Variants in IL3RA observed in about 807,000 individuals in gnomAD.
The protein encoded by IL3RA is interleukin 3 receptor subunit alpha, also known as interleukin-3 receptor subunit alpha.
In IL3RA, 73 loss-of-function variants were observed where a neutral mutation model predicts 52.3. The ratio of observed to expected loss-of-function variants is 1.40; its 90% CI spans 1.16 to 1.70. The LOEUF is 1.70. Ranked by LOEUF, IL3RA falls within the 40% of genes most tolerant of loss-of-function variation. The pLI, the probability that IL3RA is intolerant of heterozygous loss-of-function variation, is 0.00. For missense variants in IL3RA, 664 were observed against 504.4 expected (o/e 1.32, Z -3.03); for synonymous variants, 260 against 194.0 (o/e 1.34, Z -2.83).
intron 9 of IL3RA, among the ~76,000 whole-genome samples, chrX:1,378,171 A>G (rs2088922056): frequency 1.4e-5 from 2 of 147,288 alleles, no homozygotes; most frequent in Admixed American, 6.8e-5. Flanking sequence ...CGACAAAACG[A>G]GACTCCATCT....
intron 4 of IL3RA, among the ~76,000 whole-genome samples, 159 bp downstream of exon 4, chrX:1,348,704 C>CTTTCTCTTTCTT (rs1203615275): frequency 1.3e-5 from 1 of 79,092 alleles, no homozygotes; most frequent in Non-Finnish European, 2.4e-5. Context: ...TTCTTTCTTT[C>CTTTCTCTTTCTT]TGTTTCTGTT....
intron 2 of IL3RA, among the ~76,000 whole-genome samples, chrX:1,344,959 G>A (rs1329161295): frequency 1.4e-5 from 2 of 147,770 alleles, no homozygotes; most frequent in African/African-American, 2.5e-5. Flanking sequence ...TCAGGAGATC[G>A]AGACCATCCT....
chrX:1,378,112 G>C (rs1603449225), intron 9 of IL3RA, among the ~76,000 whole-genome samples: 1 of 150,758 alleles, frequency 6.6e-6, no homozygotes, highest in Admixed American at 6.6e-5. Flanking sequence ...CTTGAACCTG[G>C]GAGGTGGAGG....
intron 2 of IL3RA, among the ~76,000 whole-genome samples, chrX:1,344,084 A>G (rs28781594): frequency 0.32 from 49,299 of 151,726 alleles, 9,633 homozygotes; most frequent in Non-Finnish European, 0.45. Flanking sequence ...GTGAGCCACC[A>G]CGCCCGTTTG....
At chrX:1,355,884 G>C (rs2086669185) in intron 6 of IL3RA, among the ~76,000 whole-genome samples, 1 of 151,984 alleles carries the variant, frequency 6.6e-6, no homozygotes, top group Non-Finnish European at 1.5e-5. Context: ...AGATGGAAGG[G>C]GCAGGGACAA....
rs2089217954 is a variant in IL3RA at position 1,382,277 on chromosome X, A to C, written c.1063-114A>C. The C allele has an allele frequency of 3.1e-6, 3 of 983,486 alleles. No homozygotes were observed. In the Admixed American group the frequency reaches 5.5e-5, roughly 18 times the overall value. The allele number at this position is 983,486 out of a possible 1,614,324, so 60.9% of individuals were successfully genotyped here. On this transcript the variant is annotated intron_variant, in intron 11 of 11. Transcript: ENST00000331035. Reference sequence around the variant, plus strand: ...AGTGCTGGGATGACAGGCGTGAGACACCATGCCTGGCCCACAGAGCAGATC... The same window carrying C: ...AGTGCTGGGATGACAGGCGTGAGACCCCATGCCTGGCCCACAGAGCAGATC...
chrX:1,349,185 A>AC (rs1268265878), intron 4 of IL3RA, among the ~76,000 whole-genome samples: 9 of 79,542 alleles, frequency 1.1e-4, no homozygotes, highest in Non-Finnish European at 1.8e-4. Context: ...TTTTTTAAAC[A>AC]CCTTTTTTTT....
At position 1,356,315 on chromosome X, in the gene IL3RA, C is replaced by A. The variant is rs1556627274; in HGVS notation, c.711C>A (p.Arg237=). The A allele has an allele frequency of 1.2e-6, 2 of 1,611,794 alleles. No individual in the cohort carries two copies. Among genetic ancestry groups the A allele is most frequent in the South Asian group, 2.2e-5 (2 of 91,042 alleles). The change falls in exon 7 of 12, where the codon CGC becomes CGA. Residue 237 remains arginine (R), a synonymous_variant. Transcript: ENST00000331035. ...GAAGTCATTTCAATCGCAAATTTCGCTATGAGCTTCAGATACAAAAGGTAA... is the reference window on the plus strand; with the variant it reads ...GAAGTCATTTCAATCGCAAATTTCGATATGAGCTTCAGATACAAAAGGTAA... ...KMRSHFNRKF[R]YELQIQKRMQ...
intron 8 of IL3RA, 80 bp downstream of exon 8, chrX:1,358,967 A>G: frequency 1.0e-6 from 1 of 978,302 alleles, no homozygotes; most frequent in Non-Finnish European, 1.4e-6. Context: ...AAAATGATAA[A>G]AAATATTAAT....
chrX:1,377,372 C>T (rs1224881632), intron 9 of IL3RA, among the ~76,000 whole-genome samples: 1 of 151,882 alleles, frequency 6.6e-6, no homozygotes, highest in Non-Finnish European at 1.5e-5. Context: ...TTCTGAGTAG[C>T]TGGGATGACA....
intron 1 of IL3RA, 114 bp downstream of exon 1, chrX:1,337,040 G>C (rs1227064571): frequency 6.6e-6 from 1 of 152,206 alleles, no homozygotes; most frequent in Admixed American, 6.6e-5. Flanking sequence ...CATGTAACAG[G>C]TTTCTGCTGA....
chrX:1,356,719 C>G (rs1748876339), intron 7 of IL3RA, among the ~76,000 whole-genome samples: 2 of 151,584 alleles, frequency 1.3e-5, no homozygotes, highest in African/African-American at 4.9e-5. Flanking sequence ...TTGCAGTGAG[C>G]CGAGATCGCG....
At chrX:1,361,117 G>C (rs865872777) in intron 8 of IL3RA, among the ~76,000 whole-genome samples, 17 of 55,976 alleles carry the variant, frequency 3.0e-4, no homozygotes, top group South Asian at 6.3e-4. Context: ...TCCCCTCTCT[G>C]TCTCTCTCTC....
intron 11 of IL3RA, among the ~76,000 whole-genome samples, chrX:1,381,856 T>A (rs747368800): frequency 2.0e-5 from 3 of 150,058 alleles, no homozygotes; most frequent in South Asian, 4.2e-4. Context: ...TTTCAACAAG[T>A]TTTTAGTGAT....
At chrX:1,382,252 A>T in intron 11 of IL3RA, 139 bp from the exon 12 acceptor site, 1 of 806,514 alleles carries the variant, frequency 1.2e-6, no homozygotes, top group Non-Finnish European at 2.1e-6. Context: ...CCTGGCCCAA[A>T]GTGCTGGGAT....
intron 9 of IL3RA, among the ~76,000 whole-genome samples, chrX:1,367,600 G>A (rs1438216737): frequency 9.9e-6 from 1 of 101,008 alleles, no homozygotes; most frequent in Non-Finnish European, 1.9e-5. Context: ...AGCCGGGTGC[G>A]CGGGGTGAGC....
chrX:1,350,520 C>T (rs2086035499), intron 4 of IL3RA, among the ~76,000 whole-genome samples: 1 of 147,406 alleles, frequency 6.8e-6, no homozygotes, highest in South Asian at 2.2e-4. Flanking sequence ...ACCCGGGAGG[C>T]GGAGATTGCG....
At chrX:1,350,420 T>C (rs1240720736) in intron 4 of IL3RA, among the ~76,000 whole-genome samples, 1 of 151,806 alleles carries the variant, frequency 6.6e-6, no homozygotes, top group Non-Finnish European at 1.5e-5. Context: ...TGAAACCCCA[T>C]CTCTACTAAA....
chrX:1,346,451 A>G (rs1319378307), intron 3 of IL3RA, among the ~76,000 whole-genome samples: 2 of 151,512 alleles, frequency 1.3e-5, no homozygotes, highest in East Asian at 3.9e-4. Context: ...AAAAAGAAAA[A>G]GAAAAATTAG....
Sources: gnomAD v4.1 joint callset for allele counts (sites outside exome capture counted in the v4.1 genomes callset) on GRCh38, gnomAD v4.1.1 for gene constraint, MANE v1.5 for transcripts, NCBI Gene and HGNC (gene_info 2026-07-23, HGNC 2026-07-21) for gene names.